Variants in DIAPH1 observed in about 807,000 individuals in gnomAD.
The protein encoded by DIAPH1 is diaphanous related formin 1.
In DIAPH1, 46 loss-of-function variants were observed where a neutral mutation model predicts 140.7. The observed-to-expected ratio is 0.33, with a 90% CI of 0.26 to 0.42. The LOEUF is 0.42. Ranked by LOEUF, DIAPH1 falls within the 10% of genes least tolerant of loss-of-function variation. The pLI is 1.00. For missense variants in DIAPH1, 1,310 were observed against 1,558.7 expected (o/e 0.84, Z 2.69); for synonymous variants, 565 against 551.6 (o/e 1.02, Z -0.34).
intron 1 of DIAPH1, among the ~76,000 whole-genome samples, chr5:141,602,961 T>G (rs989131549): frequency 2.0e-5 from 3 of 152,002 alleles, no homozygotes; most frequent in Non-Finnish European, 4.4e-5. Context: ...TTGTGTAGAG[T>G]TGGAGTACCC....
chr5:141,583,614 C>A lies in DIAPH1; in HGVS notation c.404G>T (p.Gly135Val). 6.2e-7 allele frequency: 1 copy of A among 1,614,216 alleles called. No homozygotes were observed. Among genetic ancestry groups the A allele is most frequent in the Non-Finnish European group, 8.5e-7 (1 of 1,180,036 alleles). Residue 135 changes from glycine to valine, a missense_variant and splice_region_variant, in exon 5 of 28, where the codon GGC becomes GTC. By Grantham distance (109) the Gly-to-Val change is moderately radical. Transcript: ENST00000389054. ...CTTAGAGCTCTCCTTCTGGCTCATGCCCTAGACAGAAGGCATAGACAGAGA... is the reference window on the plus strand; with the variant it reads ...CTTAGAGCTCTCCTTCTGGCTCATGACCTAGACAGAAGGCATAGACAGAGA... ...VSQYLYTSKA[G>V]MSQKESSKSA... is the part of the protein sequence containing the mutation.
Position 141,516,582 on chromosome 5 carries a change from C to T in DIAPH1, c.*269G>A, listed in dbSNP as rs1398704372. The T allele has an allele frequency of 1.9e-6, 1 of 515,856 alleles. No individual in the cohort carries two copies. Among genetic ancestry groups the T allele is most frequent in the Non-Finnish European group, 3.5e-6 (1 of 282,768 alleles). 32.0% of individuals were successfully genotyped at this position (515,856 alleles called of 1,614,324 possible). ...TAACAGAGAGGAGACAGGGTTAAGG[C>T]AGCAAACATGGACCCTGCTTTGGTA... On this transcript the variant is annotated 3_prime_UTR_variant, in exon 28 of 28. Coordinates refer to ENST00000389054, the MANE Select transcript of DIAPH1 (RefSeq NM_005219.5).
chr5:141,541,379 A>T (rs533549929), intron 18 of DIAPH1, among the ~76,000 whole-genome samples: 2 of 152,184 alleles, frequency 1.3e-5, no homozygotes, highest in African/African-American at 4.8e-5. Flanking sequence ...CTACTCTCTA[A>T]ATTATATTTC....
intron 18 of DIAPH1, among the ~76,000 whole-genome samples, chr5:141,569,792 GTAGT>G (rs1212563398): frequency 6.6e-6 from 1 of 151,908 alleles, no homozygotes; most frequent in East Asian, 1.9e-4. Context: ...AAAAATAAAA[GTAGT>G]TAAGGATGAA....
intron 1 of DIAPH1, among the ~76,000 whole-genome samples, chr5:141,591,313 T>TG (rs1440479774): frequency 6.6e-6 from 1 of 152,060 alleles, no homozygotes; most frequent in Non-Finnish European, 1.5e-5. Flanking sequence ...GCACTAAAAA[T>TG]GGATTACAAT....
chr5:141,603,584 A>C (rs934919449), intron 1 of DIAPH1, among the ~76,000 whole-genome samples: 16 of 152,222 alleles, frequency 1.1e-4, no homozygotes, highest in African/African-American at 3.1e-4. Context: ...TGCCGTATAA[A>C]GAACAGTAGT....
intron 1 of DIAPH1, among the ~76,000 whole-genome samples, chr5:141,605,115 A>T (rs2099900733): frequency 6.6e-6 from 1 of 152,154 alleles, no homozygotes; most frequent in Non-Finnish European, 1.5e-5. Context: ...ATTTCTGAAA[A>T]ACAAAGTATG....
chr5:141,580,951 G>A (rs878856342), intron 7 of DIAPH1, 68 bp from the exon 8 acceptor site: 33 of 1,589,742 alleles, frequency 2.1e-5, no homozygotes, highest in East Asian at 9.0e-5. Context: ...ACAAGTTTAC[G>A]GGTTGTTATG....
intron 1 of DIAPH1, among the ~76,000 whole-genome samples, chr5:141,608,433 A>G (rs1175298852): frequency 6.6e-6 from 1 of 152,248 alleles, no homozygotes; most frequent in Middle Eastern, 3.2e-3. Context: ...CCTCACTTCT[A>G]TGAATTTCTA....
chr5:141,531,319 T>C (rs2099888196), intron 19 of DIAPH1, among the ~76,000 whole-genome samples: 1 of 151,994 alleles, frequency 6.6e-6, no homozygotes, highest in African/African-American at 2.4e-5. Flanking sequence ...CTCTCTCTTT[T>C]TTTTTTTTGA....
rs192251010 is a variant in DIAPH1, at chr5:141,583,158, C to A, written c.620+48G>T. On this transcript the variant is annotated intron_variant, in intron 6 of 27. Coordinates refer to ENST00000389054, the MANE Select transcript of DIAPH1 (RefSeq NM_005219.5). ...TCTCCTTCAGAGCAAATAGCCAAGT[C>A]CCCTGTGACTCTCCAACTTGAAGTT... 2.0e-6 allele frequency: 3 copies of A among 1,513,516 alleles called. No homozygotes were observed. In the South Asian group the frequency reaches 3.4e-5, roughly 17 times the overall value. The allele number at this position is 1,513,516 out of a possible 1,614,324, so 93.8% of individuals were successfully genotyped here.
chr5:141,571,741 C>T, intron 17 of DIAPH1, 185 bp downstream of exon 17: 1 of 705,562 alleles, frequency 1.4e-6, no homozygotes, highest in Admixed American at 2.0e-5. Flanking sequence ...TTTCCCAAAC[C>T]AAGTAACTCC....
chr5:141,587,243 A>G (rs1357423411), intron 2 of DIAPH1, 46 bp from the exon 3 acceptor site: 2 of 1,600,348 alleles, frequency 1.2e-6, no homozygotes, highest in African/African-American at 1.3e-5. Context: ...TTTCACTTAC[A>G]TAACAAGCCA....
At chr5:141,610,821 T>C (rs1024815885) in intron 1 of DIAPH1, among the ~76,000 whole-genome samples, 1 of 151,420 alleles carries the variant, frequency 6.6e-6, no homozygotes, top group East Asian at 1.9e-4. Flanking sequence ...CATGCCTTAA[T>C]GCCAGCACTT....
At chr5:141,585,327 C>T (rs1052895368) in intron 3 of DIAPH1, among the ~76,000 whole-genome samples, 4 of 152,174 alleles carry the variant, frequency 2.6e-5, no homozygotes, top group Non-Finnish European at 4.4e-5. Context: ...CTAAGTCAAA[C>T]CCAAAGATAA....
At chr5:141,609,168 C>CAAAAAA (rs11405338) in intron 1 of DIAPH1, among the ~76,000 whole-genome samples, 4 of 84,382 alleles carry the variant, frequency 4.7e-5, no homozygotes, top group African/African-American at 4.4e-5. Context: ...TTACTAAATG[C>CAAAAAA]AAAAAAAAAA....
chr5:141,609,272 T>C (rs2099901440), intron 1 of DIAPH1, among the ~76,000 whole-genome samples: 1 of 152,152 alleles, frequency 6.6e-6, no homozygotes. Flanking sequence ...CAGTTCATTT[T>C]AATAGACTGT....
chr5:141,579,841 G>A (rs558384478), intron 8 of DIAPH1, among the ~76,000 whole-genome samples: 42 of 151,982 alleles, frequency 2.8e-4, no homozygotes, highest in African/African-American at 8.9e-4. Context: ...CCAGCTACTC[G>A]GGAGGCTGAG....
intron 1 of DIAPH1, chr5:141,588,889 C>T (rs1171078100): frequency 1.3e-5 from 2 of 152,310 alleles, no homozygotes; most frequent in South Asian, 2.1e-4. Flanking sequence ...AAGAGTAGAA[C>T]GGGTTTTCTG....
Sources: gnomAD v4.1 joint callset for allele counts (sites outside exome capture counted in the v4.1 genomes callset) on GRCh38, gnomAD v4.1.1 for gene constraint, MANE v1.5 for transcripts, NCBI Gene and HGNC (gene_info 2026-07-23, HGNC 2026-07-21) for gene names.